Variants in CRHR2 observed in about 807,000 individuals in gnomAD.
The protein encoded by CRHR2 is corticotropin-releasing hormone receptor 2.
In CRHR2, 53 loss-of-function variants were observed where a neutral mutation model predicts 57.9. The ratio of observed to expected loss-of-function variants is 0.92; its 90% confidence interval spans 0.73 to 1.15. The LOEUF (loss-of-function observed/expected upper bound fraction) is 1.15. Among genes scored for constraint, CRHR2 ranks in the 50% most tolerant of loss-of-function variants. CRHR2 has a pLI of 0.00. For synonymous variants in CRHR2, 213 were observed against 220.9 expected (o/e 0.96, Z 0.32); for missense variants, 532 against 542.6 (o/e 0.98, Z 0.19).
chr7:30,668,990 T>C (rs1295646920), intron 2 of CRHR2, among the ~76,000 whole-genome samples: 1 of 152,198 alleles, frequency 6.6e-6, no homozygotes, highest in Non-Finnish European at 1.5e-5. Flanking sequence ...AAAGGTTACC[T>C]CAACTCGTGA....
chr7:30,681,905 G>C lies in CRHR2; in HGVS notation c.229+10C>G. 1 of 1,606,144 alleles carries C rather than the reference G, an allele frequency of 6.2e-7. No individual in the cohort carries two copies. The highest frequency in any genetic ancestry group is 8.5e-7 in the Non-Finnish European group (1 of 1,176,790). Reference sequence around the variant, plus strand: ...GTGTAGAGCAGGCAGCGAGGGCCGGGGGCACTCACGGGTCGTGTTGTACTT... The same window carrying C: ...GTGTAGAGCAGGCAGCGAGGGCCGGCGGCACTCACGGGTCGTGTTGTACTT... On this transcript the variant is annotated intron_variant, in intron 2 of 11. Coordinates refer to ENST00000471646, the MANE Select transcript of CRHR2 (RefSeq NM_001883.5).
At position 30,665,597 on chromosome 7, in the gene CRHR2, TGAC is replaced by T; in HGVS notation, c.355_357del (p.Val119del). ...ACAGATACGCAGTGGCCCAGGTAGTTGACGACAAGGGCGATGCGGTAGTGCAGG... is the reference window on the plus strand; with the variant it reads ...ACAGATACGCAGTGGCCCAGGTAGTTGACAAGGGCGATGCGGTAGTGCAGG... On this transcript the variant is annotated inframe_deletion, in exon 4 of 12. Transcript: ENST00000471646. This position sits in a 1 kb window ranked among gnomAD's most constrained non-coding sequence, Gnocchi z 4.5. 6.4e-7 allele frequency: 1 copy of T among 1,563,614 alleles called. No individual in the cohort carries two copies.
At chr7:30,662,294 A>C (rs1442229148) in intron 6 of CRHR2, 78 bp from the exon 7 acceptor site, 4 of 1,524,090 alleles carry the variant, frequency 2.6e-6, no homozygotes, top group Non-Finnish European at 3.6e-6. Context: ...GGGGTACCAC[A>C]ACAGGGCTAG....
intron 1 of CRHR2, among the ~76,000 whole-genome samples, chr7:30,690,459 T>C (rs981452358): frequency 6.6e-6 from 1 of 152,134 alleles, no homozygotes; most frequent in Non-Finnish European, 1.5e-5. Flanking sequence ...CGTGTGTGAC[T>C]TTTGTGCCCC....
Position 30,654,018 on chromosome 7 carries a change from T to C in CRHR2, c.1096-418A>G, listed in dbSNP as rs552039468. ...CAGCTCACACACCTGGTGCGCCTCCTCCTCCCTCCTGAAGACCGTCCCCTC... is the reference window on the plus strand; with the variant it reads ...CAGCTCACACACCTGGTGCGCCTCCCCCTCCCTCCTGAAGACCGTCCCCTC... On this transcript the variant is annotated intron_variant, in intron 11 of 11. Coordinates refer to ENST00000471646, the MANE Select transcript of CRHR2 (RefSeq NM_001883.5). Among the ~76,000 whole-genome samples the C allele has an allele frequency of 2.0e-5, 3 of 152,140 alleles. No individual in the cohort carries two copies. The East Asian group carries it at 5.8e-4, about 30-fold the overall frequency.
At chr7:30,694,517 T>C (rs550099864) in intron 1 of CRHR2, among the ~76,000 whole-genome samples, 1 of 152,328 alleles carries the variant, frequency 6.6e-6, no homozygotes, top group East Asian at 1.9e-4. Context: ...CGACAAAGCT[T>C]CTGTCTAAAT....
At chr7:30,654,977 G>T (rs1012948817) in intron 11 of CRHR2, 62 bp downstream of exon 11, 3 of 1,591,262 alleles carry the variant, frequency 1.9e-6, no homozygotes, top group African/African-American at 1.3e-5. Flanking sequence ...CAATGGAGCT[G>T]CCCTGGAGTG....
At chr7:30,662,114 T>C (rs1784021899) in intron 7 of CRHR2, 42 bp downstream of exon 7, 1 of 1,607,980 alleles carries the variant, frequency 6.2e-7, no homozygotes, top group Non-Finnish European at 8.5e-7. Flanking sequence ...AACACCCCCA[T>C]TCCCTTCCCC....
Position 30,656,853 on chromosome 7 carries a change from C to G in CRHR2, c.832-841G>C, listed in dbSNP as rs1783808213. Among the ~76,000 whole-genome samples, 1 of 152,172 alleles carries G rather than the reference C, an allele frequency of 6.6e-6. No homozygotes were observed. The highest frequency in any genetic ancestry group is 1.5e-5 in the Non-Finnish European group (1 of 68,026). The stretch of plus-strand genomic sequence containing the variant: ...GGTCTGTGGGTCTATCCTTTAAGCA[C>G]TTGTGCAAGTGTGTTTGCCTCACAG... On this transcript the variant is annotated intron_variant, in intron 8 of 11. Transcript: ENST00000471646. This position sits in a 1 kb window ranked among gnomAD's most constrained non-coding sequence, Gnocchi z 4.4.
chr7:30,694,975 T>A (rs1358058637), intron 1 of CRHR2, among the ~76,000 whole-genome samples: 3 of 64,956 alleles, frequency 4.6e-5, no homozygotes, highest in Admixed American at 2.1e-4. Context: ...GGAAGAGGAG[T>A]ATGGGGGAAG....
intron 2 of CRHR2, among the ~76,000 whole-genome samples, chr7:30,676,882 T>G (rs894638594): frequency 2.6e-5 from 4 of 152,154 alleles, no homozygotes; most frequent in Non-Finnish European, 5.9e-5. Context: ...GTGGCTAGGT[T>G]AGATGGGATG....
chr7:30,666,004 A>G (rs965086110), intron 3 of CRHR2, among the ~76,000 whole-genome samples: 1 of 152,140 alleles, frequency 6.6e-6, no homozygotes, highest in Admixed American at 6.5e-5. Flanking sequence ...GGGACTACAG[A>G]CAAGTGCCAC....
intron 2 of CRHR2, among the ~76,000 whole-genome samples, chr7:30,671,101 T>C (rs1406598631): frequency 6.6e-6 from 1 of 152,224 alleles, no homozygotes; most frequent in Non-Finnish European, 1.5e-5. Context: ...GTTTTGTCTC[T>C]AGATAGCTAG....
chr7:30,698,126 A>G (rs1467292171), intron 1 of CRHR2: 1 of 152,248 alleles, frequency 6.6e-6, no homozygotes, highest in African/African-American at 2.4e-5. Context: ...ACCCGGGAAA[A>G]AGTCCCATTG....
intron 2 of CRHR2, among the ~76,000 whole-genome samples, chr7:30,676,808 A>G (rs113318018): frequency 2.0e-5 from 3 of 152,268 alleles, no homozygotes; most frequent in African/African-American, 7.2e-5. Flanking sequence ...ATTGTAACAC[A>G]ATCAGTGCTT....
upstream of CRHR2, chr7:30,682,541 C>T (rs1287134455): frequency 3.3e-6 from 4 of 1,227,032 alleles, no homozygotes; most frequent in African/African-American, 1.6e-5. Context: ...CGCCGGGGGG[C>T]GGGGCCGGGC....
At chr7:30,655,777 G>GA (rs148095983) in intron 9 of CRHR2, 62 bp from the exon 10 acceptor site, 72,804 of 1,595,016 alleles carry the variant, frequency 0.046, 3,850 homozygotes, top group African/African-American at 0.28. Context: ...CACCCAGTGG[G>GA]CGGCGGGAGA....
intron 8 of CRHR2, among the ~76,000 whole-genome samples, chr7:30,659,093 G>A (rs539122342): frequency 6.6e-6 from 1 of 152,362 alleles, no homozygotes; most frequent in African/African-American, 2.4e-5. Context: ...TAGGACTTGA[G>A]CATGCAAGGG....
upstream of CRHR2, among the ~76,000 whole-genome samples, chr7:30,682,852 G>C (rs904685445): frequency 6.6e-6 from 1 of 152,270 alleles, no homozygotes; most frequent in Non-Finnish European, 1.5e-5. Context: ...CTCCCTGAGC[G>C]AGGACACTGG....
Sources: gnomAD v4.1 joint callset for allele counts (sites outside exome capture counted in the v4.1 genomes callset) on GRCh38, gnomAD v4.1.1 for gene constraint, Gnocchi (gnomAD v3.1) non-coding constraint, MANE v1.5 for transcripts, NCBI Gene and HGNC (gene_info 2026-07-23, HGNC 2026-07-21) for gene names.